RASAL3: variants seen among roughly 807,000 people sequenced by gnomAD.
The protein encoded by RASAL3 is RAS protein activator like 3, also known as RAS protein activator like-3.
Under a neutral mutation model 105.5 loss-of-function variants are expected in RASAL3, and 74 were observed. The observed-to-expected ratio is 0.70, with a 90% CI of 0.58 to 0.85. RASAL3 has a LOEUF of 0.85. RASAL3 is among the 40% of genes least tolerant of loss of function. The pLI is 0.00. For missense variants in RASAL3, 1,352 were observed against 1,392.0 expected (o/e 0.97, Z 0.46); for synonymous variants, 579 against 591.6 (o/e 0.98, Z 0.31).
intron 6 of RASAL3, among the ~76,000 whole-genome samples, chr19:15,459,065 G>C (rs1970425950): frequency 6.6e-6 from 1 of 151,924 alleles, no homozygotes; most frequent in Non-Finnish European, 1.5e-5. Context: ...CAAGTAGCTG[G>C]GATCACAGGT....
At position 15,464,161 on chromosome 19, in the gene RASAL3, T is replaced by A; in HGVS notation, c.198A>T (p.Ile66=). 1 of 1,613,274 alleles carries A rather than the reference T, an allele frequency of 6.2e-7. No individual in the cohort carries two copies. Among genetic ancestry groups the A allele is most frequent in the East Asian group, 2.2e-5 (1 of 44,830 alleles). The stretch of plus-strand genomic sequence containing the variant: ...GAGGCGCAGATAGGACCCGACGGAA[T>A]ATCGAGCGAGGGGCTGGCTGGGTGC... The part of the protein sequence containing the change: ...MVSTQPAPRS[I]FRRVLSAPPK... Residue 66 remains isoleucine, a synonymous_variant, in exon 2 of 18, where the codon ATA becomes ATT. Coordinates refer to ENST00000343625, the MANE Select transcript of RASAL3 (RefSeq NM_022904.3).
In RASAL3 at chr19:15,457,928, C is replaced by G. The variant is rs1970380236; in HGVS notation, c.889-94G>C. On this transcript the variant is annotated intron_variant, in intron 8 of 17. Transcript: ENST00000343625. The surrounding 1 kb of genome is among the most constrained non-coding windows in gnomAD (Gnocchi z 8.6). The stretch of plus-strand genomic sequence containing the variant: ...GAAGCGTGGAGCCTCAAACCTGTTG[C>G]GTCGGGTCCCTAGGGAGATTGCTGG... 1 of 1,405,330 alleles carries G rather than the reference C, an allele frequency of 7.1e-7. No homozygotes were observed. Among genetic ancestry groups the G allele is most frequent in the African/African-American group, 1.4e-5 (1 of 69,444 alleles). The allele number at this position is 1,405,330 out of a possible 1,614,324, so 87.1% of individuals were successfully genotyped here.
At chr19:15,452,578 G>A (rs1446595628) in intron 16 of RASAL3, 80 bp downstream of exon 16, 1 of 866,298 alleles carries the variant, frequency 1.2e-6, no homozygotes, top group African/African-American at 3.1e-5. Flanking sequence ...CGTGGTTTGG[G>A]GGGGGGGGGG....
rs754268012 is a variant in RASAL3 at position 15,461,277 on chromosome 19, A to G, written c.485T>C (p.Val162Ala). 6.2e-7 allele frequency: 1 copy of G among 1,613,422 alleles called. No homozygotes were observed. The highest frequency in any genetic ancestry group is 1.7e-5 in the Admixed American group (1 of 59,954). Residue 162 changes from valine (V) to alanine (A), a missense_variant, in exon 4 of 18, where the codon GTG becomes GCG. Physicochemically the swap from Val to Ala is moderately conservative, Grantham distance 64 (BLOSUM62 0). This residue lies in a region of RASAL3 where 344 missense variants were observed against 339.6 expected (regional missense o/e 1.01). Coordinates refer to ENST00000343625, the MANE Select transcript of RASAL3 (RefSeq NM_022904.3). ...GCTGCCCTCGGAGCTAGCACTTCCC[A>G]CCCGGGGCCTTCGAGGACCCTGTTC... ...GEEEGPRRPR[V>A]GSASSEGSIH...
At position 15,462,485 on chromosome 19, in the gene RASAL3, C is replaced by CAAAACA. The variant is rs148793585; in HGVS notation, c.329-884_329-879dup. Among the ~76,000 whole-genome samples the CAAAACA allele has an allele frequency of 9.0e-3, 1,349 of 149,492 alleles. 22 individuals are homozygous for CAAAACA. The highest frequency in any genetic ancestry group is 0.03 in the African/African-American group (1,194 of 40,308). On this transcript the variant is annotated intron_variant, in intron 2 of 17. Coordinates refer to ENST00000343625, the MANE Select transcript of RASAL3 (RefSeq NM_022904.3). ...TGGGCAAGGAAGTGAGACTGTGTCT[C>CAAAACA]AAAACAAAAACAAAAACAAAAACAA...
chr19:15,452,543 C>A lies in RASAL3; in HGVS notation c.2828+115G>T, dbSNP rs1197130976. The A allele has an allele frequency of 8.5e-6, 7 of 826,612 alleles. No individual in the cohort carries two copies. The East Asian group carries it at 2.0e-4, about 24-fold the overall frequency. The allele number at this position is 826,612 out of a possible 1,614,324, so 51.2% of individuals were successfully genotyped here. ...CTGGACAGACTTATTGGGGCGGGGCCAGGGTGGGGCTTGGCCGTGCTAGGC... is the reference window on the plus strand; with the variant it reads ...CTGGACAGACTTATTGGGGCGGGGCAAGGGTGGGGCTTGGCCGTGCTAGGC... On this transcript the variant is annotated intron_variant, in intron 16 of 17. Coordinates refer to ENST00000343625, the MANE Select transcript of RASAL3 (RefSeq NM_022904.3).
rs756371028 is a variant in RASAL3 at position 15,454,894 on chromosome 19, C to A, written c.1722-1G>T. ...GATGCCCAGCTCCGCAGGGAACCAG[C>A]TGGTGCAGAAGAGGCAATGAATGGT... On this transcript the variant is annotated splice_acceptor_variant, in intron 11 of 17. Coordinates refer to ENST00000343625, the MANE Select transcript of RASAL3 (RefSeq NM_022904.3). LOFTEE classifies it high-confidence loss of function. The A allele has an allele frequency of 8.4e-6, 13 of 1,549,308 alleles. No individual in the cohort carries two copies. The highest frequency in any genetic ancestry group is 1.0e-5 in the Non-Finnish European group (12 of 1,148,204).
Position 15,457,371 on chromosome 19 carries a change from T to A in RASAL3, c.1352A>T (p.Glu451Val). The change falls in exon 9 of 18, where the codon GAG becomes GTG. Residue 451 changes from glutamate (E) to valine (V), a missense_variant. Physicochemically the swap from Glu to Val is moderately radical, Grantham distance 121. Coordinates refer to ENST00000343625, the MANE Select transcript of RASAL3 (RefSeq NM_022904.3). This position sits in a 1 kb window ranked among gnomAD's most constrained non-coding sequence, Gnocchi z 8.6. ...FHYARLCGAL[E>V]PALPAQAKEE... ...CTTGGCCTGCGCAGGCAGCGCGGGC[T>A]CCAGGGCCCCGCAGAGGCGCGCATA... 2.8e-6 allele frequency: 4 copies of A among 1,436,262 alleles called. No individual in the cohort carries two copies. Among genetic ancestry groups the A allele is most frequent in the Non-Finnish European group, 3.6e-6 (4 of 1,101,546 alleles). 89.0% of individuals were successfully genotyped at this position (1,436,262 alleles called of 1,614,324 possible).
In RASAL3 at chr19:15,461,504, A is replaced by G. The variant is rs1970509563; in HGVS notation, c.432T>C (p.Asp144=). The G allele has an allele frequency of 1.3e-6, 2 of 1,546,268 alleles. No individual in the cohort carries two copies. Among genetic ancestry groups the G allele is most frequent in the Non-Finnish European group, 1.7e-6 (2 of 1,145,608 alleles). The part of the protein sequence containing the change: ...VWDIGGFTLL[D]GKLVLLGGEE... Reference sequence around the variant, plus strand: ...CTCCTCCAAGCAGCACCAGCTTCCCATCAAGCAGGGTGAAGCCCCCAATGT... The same window carrying G: ...CTCCTCCAAGCAGCACCAGCTTCCCGTCAAGCAGGGTGAAGCCCCCAATGT... The change falls in exon 3 of 18, where the codon GAT becomes GAC. Residue 144 remains aspartate, a synonymous_variant. Coordinates refer to ENST00000343625, the MANE Select transcript of RASAL3 (RefSeq NM_022904.3).
Position 15,453,350 on chromosome 19 carries a change from C to T in RASAL3, c.2427G>A (p.Arg809=). 1 of 1,428,206 alleles carries T rather than the reference C, an allele frequency of 7.0e-7. No individual in the cohort carries two copies. The highest frequency in any genetic ancestry group is 1.5e-5 in the South Asian group (1 of 68,064). 88.5% of individuals were successfully genotyped at this position (1,428,206 alleles called of 1,614,324 possible). Reference sequence around the variant, plus strand: ...GCGTGCGCTGCACCGGCCGGGGCCGCCGCAGGGGCCGCTCTTCGTCCGGCC... The same window carrying T: ...GCGTGCGCTGCACCGGCCGGGGCCGTCGCAGGGGCCGCTCTTCGTCCGGCC... The part of the protein sequence containing the change: ...RPRPDEERPL[R]RPRPVQRTQS... The change falls in exon 15 of 18, where the codon CGG becomes CGA. Residue 809 remains arginine, a synonymous_variant. Coordinates refer to ENST00000343625, the MANE Select transcript of RASAL3 (RefSeq NM_022904.3). This position sits in a 1 kb window ranked among gnomAD's most constrained non-coding sequence, Gnocchi z 4.2.
chr19:15,457,303 C>G lies in RASAL3; in HGVS notation c.1420G>C (p.Gly474Arg). 7.7e-7 allele frequency: 1 copy of G among 1,302,246 alleles called. No homozygotes were observed. Among genetic ancestry groups the G allele is most frequent in the Non-Finnish European group, 9.7e-7 (1 of 1,026,474 alleles). The allele number at this position is 1,302,246 out of a possible 1,614,324, so 80.7% of individuals were successfully genotyped here. A position where few individuals can be genotyped will look rare whatever the true frequency, so the allele number is the denominator to read the frequency against. The change falls in exon 9 of 18, where the codon GGC (glycine) becomes CGC (arginine). Residue 474 changes from glycine (G) to arginine (R), a missense_variant. Coordinates refer to ENST00000343625, the MANE Select transcript of RASAL3 (RefSeq NM_022904.3). The surrounding 1 kb of genome is among the most constrained non-coding windows in gnomAD (Gnocchi z 8.6). ...TCGCGGTGCCGCACCTGCGCCCGGC[C>G]GGTGGCCCGCAGCACGCGCACCATG... ...AAMVRVLRAT[G>R]RAQALVTDLG...
In RASAL3 at chr19:15,457,382, G is replaced by T; in HGVS notation, c.1341C>A (p.Cys447Ter). 6.9e-7 allele frequency: 1 copy of T among 1,443,224 alleles called. No individual in the cohort carries two copies. Among genetic ancestry groups the T allele is most frequent in the Admixed American group, 2.7e-5 (1 of 36,600 alleles). The allele number at this position is 1,443,224 out of a possible 1,614,324, so 89.4% of individuals were successfully genotyped here. Residue 447 changes from cysteine to a stop codon, truncating the protein, a stop_gained, in exon 9 of 18, where the codon TGC becomes TGA. Transcript: ENST00000343625. LOFTEE classifies it high-confidence loss of function. The surrounding 1 kb of genome is among the most constrained non-coding windows in gnomAD (Gnocchi z 8.6). ...CAGGCAGCGCGGGCTCCAGGGCCCC[G>T]CAGAGGCGCGCATAGTGGAAGGTGA... The part of the protein sequence containing the change: ...EFLTFHYARL[C>*]GALEPALPAQ...
In RASAL3 at chr19:15,454,460, C is replaced by T. The variant is rs868379671; in HGVS notation, c.2061G>A (p.Val687=). Residue 687 remains valine, a synonymous_variant, in exon 13 of 18, where the codon GTG becomes GTA. Transcript: ENST00000343625. ...CCTGGTAACCACTGGGGGCAGCATC[C>T]ACATCCACCATGGCTACCTGGTCCA... The part of the protein sequence containing the change: ...CFLDQVAMVD[V]DAAPSGYQGS... 6.2e-7 allele frequency: 1 copy of T among 1,614,016 alleles called. No individual in the cohort carries two copies. The highest frequency in any genetic ancestry group is 2.2e-5 in the East Asian group (1 of 44,892).
rs144950120 is a variant in RASAL3 at position 15,457,881 on chromosome 19, C to A, written c.889-47G>T. On this transcript the variant is annotated intron_variant, in intron 8 of 17. Transcript: ENST00000343625. The surrounding 1 kb of genome is among the most constrained non-coding windows in gnomAD (Gnocchi z 8.6). The stretch of plus-strand genomic sequence containing the variant: ...GGGGAAGCGTTTTGGTTTGTTGGCA[C>A]CCCAAAGAAGGCACCGCAAGTGAAG... The A allele has an allele frequency of 1.5e-3, 2,285 of 1,540,554 alleles. 5 individuals carry two copies. The highest frequency in any genetic ancestry group is 2.3e-3 in the Middle Eastern group (10 of 4,336).
chr19:15,457,586 C>T lies in RASAL3; in HGVS notation c.1137G>A (p.Val379=), dbSNP rs1466877769. ...CCAGCGCCAGGGCCACGCGGCCCAG[C>T]ACCGCGCTTCCCGGGCCCAAGCCGC... The part of the protein sequence containing the change: ...RLRGLGPGSA[V]LGRVALALEE... The change falls in exon 9 of 18, where the codon GTG becomes GTA. Residue 379 remains valine (V), a synonymous_variant. Coordinates refer to ENST00000343625, the MANE Select transcript of RASAL3 (RefSeq NM_022904.3). This position sits in a 1 kb window ranked among gnomAD's most constrained non-coding sequence, Gnocchi z 8.6. 6.2e-6 allele frequency: 8 copies of T among 1,292,410 alleles called. No homozygotes were observed. The highest frequency in any genetic ancestry group is 3.0e-4 in the Middle Eastern group (1 of 3,314). The allele number at this position is 1,292,410 out of a possible 1,614,324, so 80.1% of individuals were successfully genotyped here.
In RASAL3 at chr19:15,454,859, T is replaced by C. The variant is rs369153704; in HGVS notation, c.1756A>G (p.Ser586Gly). The C allele has an allele frequency of 1.7e-5, 27 of 1,572,582 alleles. No homozygotes were observed. Among genetic ancestry groups the C allele is most frequent in the Non-Finnish European group, 1.8e-5 (21 of 1,159,588 alleles). ...FPAELGIVFSSWREACKERGS... is the reference protein window; with the variant it reads ...FPAELGIVFSGWREACKERGS... Reference sequence around the variant, plus strand: ...CGTTCTTTACATGCTTCTCGCCAGCTTGAGAACACGATGCCCAGCTCCGCA... The same window carrying C: ...CGTTCTTTACATGCTTCTCGCCAGCCTGAGAACACGATGCCCAGCTCCGCA... Residue 586 changes from serine to glycine, a missense_variant, in exon 12 of 18, where the codon AGC becomes GGC. Transcript: ENST00000343625.
chr19:15,456,475 G>T lies in RASAL3; in HGVS notation c.1576+27C>A, dbSNP rs61744757. Reference sequence around the variant, plus strand: ...AGGTCCCCTAGCTCACCAGCAGGCCGCTGACATGGACTCTCCCCCAGCTCA... The same window carrying T: ...AGGTCCCCTAGCTCACCAGCAGGCCTCTGACATGGACTCTCCCCCAGCTCA... On this transcript the variant is annotated intron_variant, in intron 10 of 17. Coordinates refer to ENST00000343625, the MANE Select transcript of RASAL3 (RefSeq NM_022904.3). The surrounding 1 kb of genome is among the most constrained non-coding windows in gnomAD (Gnocchi z 4.4). 6.2e-7 allele frequency: 1 copy of T among 1,611,358 alleles called. No homozygotes were observed. Among genetic ancestry groups the T allele is most frequent in the Admixed American group, 1.7e-5 (1 of 59,826 alleles).
rs750289150 is a variant in RASAL3, at chr19:15,454,890, C to G, written c.1725G>C (p.Trp575Cys). Residue 575 changes from tryptophan (W) to cysteine (C), a missense_variant, in exon 12 of 18, where the codon TGG (tryptophan) becomes TGC (cysteine). Physicochemically the swap from Trp to Cys is radical, Grantham distance 215. Coordinates refer to ENST00000343625, the MANE Select transcript of RASAL3 (RefSeq NM_022904.3). ...ACACGATGCCCAGCTCCGCAGGGAA[C>G]CAGCTGGTGCAGAAGAGGCAATGAA... ...VFETIIHSYD[W>C]FPAELGIVFS... The G allele has an allele frequency of 1.9e-6, 3 of 1,551,158 alleles. No individual in the cohort carries two copies. The South Asian group carries it at 3.6e-5, about 18-fold the overall frequency.
rs1203098127 is a variant in RASAL3 at position 15,453,141 on chromosome 19, T to A, written c.2636A>T (p.Asn879Ile). The change falls in exon 15 of 18, where the codon AAC (asparagine) becomes ATC (isoleucine). Residue 879 changes from asparagine (N) to isoleucine (I), a missense_variant. By Grantham distance (149) the Asn-to-Ile change is moderately radical. Transcript: ENST00000343625. The surrounding 1 kb of genome is among the most constrained non-coding windows in gnomAD (Gnocchi z 4.2). ...QRQMDQPQDR[N>I]QALGTHRPVN... ...AGGTCGGTGCGTGCCCAGTGCCTGG[T>A]TTCGGTCTTGCGGCTGGTCCATTTG... The A allele has an allele frequency of 6.2e-7, 1 of 1,613,666 alleles. No individual in the cohort carries two copies. Among genetic ancestry groups the A allele is most frequent in the South Asian group, 1.1e-5 (1 of 91,068 alleles).
Sources: gnomAD v4.1 joint callset for allele counts (sites outside exome capture counted in the v4.1 genomes callset) on GRCh38, gnomAD v4.1.1 for gene constraint, gnomAD v4.1.1 regional missense constraint, Gnocchi (gnomAD v3.1) non-coding constraint, MANE v1.5 for transcripts, NCBI Gene and HGNC (gene_info 2026-07-23, HGNC 2026-07-21) for gene names.